The following DAB1 variants were observed in gnomAD, a reference collection of about 807,000 sequenced individuals.
The protein encoded by DAB1 is DAB adaptor protein 1.
A neutral mutation model predicts 64.6 loss-of-function variants in DAB1; 15 were observed. The ratio of observed to expected loss-of-function variants is 0.23; its 90% CI spans 0.16 to 0.36. The LOEUF (loss-of-function observed/expected upper bound fraction) is 0.36. Among genes scored for constraint, DAB1 ranks in the 10% least tolerant of loss-of-function variants. The pLI is 1.00. For missense variants in DAB1, 596 were observed against 706.7 expected (o/e 0.84, Z 1.78); for synonymous variants, 235 against 251.9 (o/e 0.93, Z 0.64).
chr1:57,331,678 C>T (rs1676684342), intron 1 of DAB1, among the ~76,000 whole-genome samples: 1 of 152,216 alleles, frequency 6.6e-6, no homozygotes, highest in South Asian at 2.1e-4. Flanking sequence ...TACAGATGAA[C>T]ATTCCTGAGA....
intron 5 of DAB1, chr1:58,049,378 C>CCTG: frequency 3.6e-6 from 2 of 550,858 alleles, no homozygotes; most frequent in Admixed American, 2.6e-5. Context: ...GTATCTTAAC[C>CCTG]TGAACTATTT....
chr1:58,025,649 GTGTATATATATATATATATATA>G (rs1410493861), intron 5 of DAB1, among the ~76,000 whole-genome samples: 2 of 115,062 alleles, frequency 1.7e-5, no homozygotes, highest in African/African-American at 7.3e-5. Flanking sequence ...ATATATATGT[GTGTATATATATATATATATATA>G]TATATATATA....
chr1:58,200,910 G>A (rs1363891145), intron 4 of DAB1, among the ~76,000 whole-genome samples: 4 of 152,172 alleles, frequency 2.6e-5, no homozygotes, highest in Middle Eastern at 3.4e-3. Flanking sequence ...CTGTAATTTA[G>A]AATTTTGCCA....
chr1:58,377,991 A>T (rs935248634), intron 3 of DAB1, among the ~76,000 whole-genome samples: 2 of 141,386 alleles, frequency 1.4e-5, no homozygotes, highest in Non-Finnish European at 3.2e-5. Flanking sequence ...AGGCTTCTGC[A>T]TTCTTCACAT....
At chr1:58,546,425 C>G (rs1387190377) in intron 1 of DAB1, among the ~76,000 whole-genome samples, 1 of 152,152 alleles carries the variant, frequency 6.6e-6, no homozygotes, top group Non-Finnish European at 1.5e-5. Context: ...ACGGGGTCAC[C>G]GGCGTGCCCC....
intron 7 of DAB1, among the ~76,000 whole-genome samples, chr1:57,588,971 C>T (rs761051023): frequency 6.6e-6 from 1 of 151,804 alleles, no homozygotes; most frequent in South Asian, 2.1e-4. Context: ...CGCGGTGGCT[C>T]ACGCCTGTAA....
chr1:57,111,741 C>G lies in DAB1; in HGVS notation c.306+24802G>C, dbSNP rs945179455. On this transcript the variant is annotated intron_variant, in intron 4 of 14. Transcript: ENST00000371236. ...TTACATGGTTATTGCCTGACTCTTC[C>G]AATAAAATAGAAAGTAATAAGGGTC... Among the ~76,000 whole-genome samples the G allele has an allele frequency of 1.1e-4, 17 of 152,126 alleles. 1 individual carries two copies. Among genetic ancestry groups the G allele is most frequent in the Admixed American group, 1.1e-3 (17 of 15,276 alleles).
At chr1:57,067,474 A>G (rs1305579334) in intron 8 of DAB1, among the ~76,000 whole-genome samples, 1 of 152,188 alleles carries the variant, frequency 6.6e-6, no homozygotes, top group Non-Finnish European at 1.5e-5. Flanking sequence ...ATAATGATTC[A>G]AGCCACATGG....
chr1:58,331,539 G>A (rs1273249423), intron 4 of DAB1, among the ~76,000 whole-genome samples: 1 of 152,280 alleles, frequency 6.6e-6, no homozygotes, highest in East Asian at 1.9e-4. Flanking sequence ...AGAGTCCACT[G>A]ATGCAGCAAA....
intron 5 of DAB1, among the ~76,000 whole-genome samples, chr1:58,105,879 T>G (rs1651605233): frequency 6.6e-6 from 1 of 152,186 alleles, no homozygotes; most frequent in Non-Finnish European, 1.5e-5. Flanking sequence ...TCCTCTCCAT[T>G]CAGTCATCCT....
At chr1:57,722,102 C>A (rs554683661) in intron 6 of DAB1, among the ~76,000 whole-genome samples, 1 of 152,160 alleles carries the variant, frequency 6.6e-6, no homozygotes, top group African/African-American at 2.4e-5. Flanking sequence ...ACAATGTGAC[C>A]ATTTCTCATC....
chr1:58,202,728 C>T (rs1658067654), intron 4 of DAB1, among the ~76,000 whole-genome samples: 1 of 152,144 alleles, frequency 6.6e-6, no homozygotes, highest in Admixed American at 6.6e-5. Context: ...TATTCTATAA[C>T]AATAAAAATC....
intron 7 of DAB1, among the ~76,000 whole-genome samples, chr1:57,624,207 G>A (rs1378309900): frequency 6.6e-6 from 1 of 152,170 alleles, no homozygotes; most frequent in Non-Finnish European, 1.5e-5. Flanking sequence ...ATCTTTTCAG[G>A]CTAGAAGTCA....
At chr1:57,942,401 C>T (rs1243686380) in intron 5 of DAB1, among the ~76,000 whole-genome samples, 1 of 152,216 alleles carries the variant, frequency 6.6e-6, no homozygotes, top group Non-Finnish European at 1.5e-5. Context: ...ATTAACTGTA[C>T]ATGATAGCAC....
intron 1 of DAB1, among the ~76,000 whole-genome samples, chr1:57,331,156 T>A (rs1331525613): frequency 1.3e-5 from 2 of 152,192 alleles, no homozygotes; most frequent in African/African-American, 2.4e-5. Flanking sequence ...TTTTTTTGAC[T>A]CTCTGTATCC....
intron 14 of DAB1, among the ~76,000 whole-genome samples, chr1:57,008,085 T>G (rs2100266787): frequency 6.6e-6 from 1 of 152,322 alleles, no homozygotes; most frequent in Admixed American, 6.5e-5. Context: ...AGAAAATTAC[T>G]TCACCGAAGA....
intron 4 of DAB1, among the ~76,000 whole-genome samples, chr1:57,121,371 C>T (rs1198998068): frequency 6.6e-6 from 1 of 151,858 alleles, no homozygotes; most frequent in Non-Finnish European, 1.5e-5. Flanking sequence ...TAAAAGTACC[C>T]TTCTGCTTGT....
At chr1:58,450,723 C>T (rs1199931363) in intron 3 of DAB1, among the ~76,000 whole-genome samples, 1 of 152,188 alleles carries the variant, frequency 6.6e-6, no homozygotes, top group African/African-American at 2.4e-5. Context: ...CACTGCACTC[C>T]AGCCTGGGTG....
chr1:57,310,269 C>T (rs1220477914), intron 1 of DAB1, among the ~76,000 whole-genome samples: 1 of 152,086 alleles, frequency 6.6e-6, no homozygotes, highest in Non-Finnish European at 1.5e-5. Context: ...GACATTGGAG[C>T]AAAACTTTTA....
Sources: gnomAD v4.1 joint callset for allele counts (sites outside exome capture counted in the v4.1 genomes callset) on GRCh38, gnomAD v4.1.1 for gene constraint, MANE v1.5 for transcripts, NCBI Gene and HGNC (gene_info 2026-07-23, HGNC 2026-07-21) for gene names.